SH3RF3: variants seen among roughly 807,000 people sequenced by gnomAD.
SH3RF3 encodes E3 ubiquitin-protein ligase SH3RF3.
A neutral mutation model predicts 66.3 loss-of-function variants in SH3RF3; 29 were observed. That is an observed-to-expected ratio of 0.44 (90% CI 0.33 to 0.60). SH3RF3 has a LOEUF of 0.60. Ranked by LOEUF, SH3RF3 falls within the 20% of genes least tolerant of loss-of-function variation. SH3RF3 has a pLI of 0.04. For missense variants in SH3RF3, 1,194 were observed against 1,190.9 expected (o/e 1.00, Z -0.04); for synonymous variants, 583 against 532.0 (o/e 1.10, Z -1.32).
At chr2:109,461,440 C>T (rs1331916559) in intron 8 of SH3RF3, among the ~76,000 whole-genome samples, 1 of 138,736 alleles carries the variant, frequency 7.2e-6, no homozygotes, top group African/African-American at 2.7e-5. Flanking sequence ...GTCCTAAAGA[C>T]CTGCGCGGTG....
intron 1 of SH3RF3, among the ~76,000 whole-genome samples, chr2:109,132,091 C>T (rs1414320424): frequency 6.6e-6 from 1 of 152,174 alleles, no homozygotes; most frequent in African/African-American, 2.4e-5. Flanking sequence ...TTGCTTGACT[C>T]CTGCCAGGAA....
chr2:109,206,615 CT>C (rs1678847688), intron 1 of SH3RF3, among the ~76,000 whole-genome samples: 1 of 151,606 alleles, frequency 6.6e-6, no homozygotes, highest in African/African-American at 2.4e-5. Flanking sequence ...CAAGACCAGC[CT>C]GGGAAACATA....
chr2:109,471,136 C>G (rs1262982954), intron 8 of SH3RF3, among the ~76,000 whole-genome samples: 2 of 149,108 alleles, frequency 1.3e-5, no homozygotes, highest in Non-Finnish European at 2.9e-5. Context: ...TCACTTGAAC[C>G]CAGGGGGCAG....
chr2:109,163,558 C>T (rs1049919631), intron 1 of SH3RF3, among the ~76,000 whole-genome samples: 3 of 151,024 alleles, frequency 2.0e-5, no homozygotes, highest in African/African-American at 4.9e-5. Context: ...GCCACTACGC[C>T]CGGCTAATTT....
At chr2:109,401,888 C>G (rs1258635708) in intron 4 of SH3RF3, among the ~76,000 whole-genome samples, 1 of 152,228 alleles carries the variant, frequency 6.6e-6, no homozygotes, top group Non-Finnish European at 1.5e-5. Flanking sequence ...CCTGGCTCCA[C>G]AGGGATTAGA....
At chr2:109,489,612 C>T (rs950789290) in intron 8 of SH3RF3, among the ~76,000 whole-genome samples, 4 of 152,230 alleles carry the variant, frequency 2.6e-5, no homozygotes, top group Admixed American at 1.3e-4. Flanking sequence ...GGGGATGGCC[C>T]GTCAGCAGCA....
Position 109,161,507 on chromosome 2 carries a change from G to A in SH3RF3, c.573+31394G>A, listed in dbSNP as rs569706578. Among the ~76,000 whole-genome samples, 54 of 152,214 alleles carry A rather than the reference G, an allele frequency of 3.5e-4. 1 individual carries two copies. The South Asian group carries it at 9.9e-3, about 28-fold the overall frequency. ...TGACGTGCATTACATATCGTAAGGC[G>A]ATGTTTCCTGGGGAGGGGAACATGT... On this transcript the variant is annotated intron_variant, in intron 1 of 9. Coordinates refer to ENST00000309415, the MANE Select transcript of SH3RF3 (RefSeq NM_001099289.3).
At chr2:109,153,171 A>G (rs747351767) in intron 1 of SH3RF3, among the ~76,000 whole-genome samples, 2 of 152,142 alleles carry the variant, frequency 1.3e-5, no homozygotes, top group Non-Finnish European at 2.9e-5. Context: ...CAGCATCTAA[A>G]CTTATGCACT....
chr2:109,188,127 A>C (rs1476151110), intron 1 of SH3RF3, among the ~76,000 whole-genome samples: 2 of 152,272 alleles, frequency 1.3e-5, no homozygotes, highest in African/African-American at 4.8e-5. Context: ...TCTAATGAGC[A>C]TGGGAAACAA....
intron 1 of SH3RF3, among the ~76,000 whole-genome samples, chr2:109,258,842 T>C (rs1680285067): frequency 6.6e-6 from 1 of 152,218 alleles, no homozygotes. Context: ...CAGTGACCTG[T>C]GCTGATGTCC....
At chr2:109,143,087 G>A (rs1574471755) in intron 1 of SH3RF3, among the ~76,000 whole-genome samples, 1 of 152,228 alleles carries the variant, frequency 6.6e-6, no homozygotes, top group East Asian at 1.9e-4. Context: ...CCCAGTGTGG[G>A]GGGCCTGCCA....
chr2:109,184,701 C>G (rs1678148433), intron 1 of SH3RF3, among the ~76,000 whole-genome samples: 1 of 152,228 alleles, frequency 6.6e-6, no homozygotes, highest in African/African-American at 2.4e-5. Context: ...CACCAGGAAG[C>G]AGCCTCTCCA....
At chr2:109,297,750 T>G (rs1681351435) in intron 1 of SH3RF3, among the ~76,000 whole-genome samples, 1 of 144,094 alleles carries the variant, frequency 6.9e-6, no homozygotes, top group East Asian at 2.1e-4. Flanking sequence ...ACAGTGTCCC[T>G]TATCCAGTCA....
intron 8 of SH3RF3, among the ~76,000 whole-genome samples, chr2:109,482,725 G>A (rs1228053003): frequency 6.6e-6 from 1 of 152,180 alleles, no homozygotes; most frequent in Non-Finnish European, 1.5e-5. Context: ...CTGCACCTCC[G>A]GCTGCTTCCT....
chr2:109,446,152 A>C (rs1378689149), intron 7 of SH3RF3, among the ~76,000 whole-genome samples: 1 of 152,090 alleles, frequency 6.6e-6, no homozygotes, highest in East Asian at 1.9e-4. Flanking sequence ...ATCCTACCAG[A>C]GATGAGCACA....
At chr2:109,294,642 A>G (rs1479344388) in intron 1 of SH3RF3, among the ~76,000 whole-genome samples, 2 of 151,190 alleles carry the variant, frequency 1.3e-5, no homozygotes, top group East Asian at 3.9e-4. Context: ...CTTCCATCTG[A>G]TCATCATAGG....
chr2:109,312,297 C>T (rs1200014515), intron 1 of SH3RF3, among the ~76,000 whole-genome samples: 1 of 152,144 alleles, frequency 6.6e-6, no homozygotes, highest in Non-Finnish European at 1.5e-5. Context: ...GAATGAGCTT[C>T]CCACTCGAGG....
chr2:109,459,218 A>T (rs1678148860), intron 8 of SH3RF3, among the ~76,000 whole-genome samples: 1 of 152,204 alleles, frequency 6.6e-6, no homozygotes. Context: ...AAGAAAACAA[A>T]GGTACTGCTT....
At chr2:109,261,048 T>C (rs1680342025) in intron 1 of SH3RF3, among the ~76,000 whole-genome samples, 1 of 152,158 alleles carries the variant, frequency 6.6e-6, no homozygotes, top group African/African-American at 2.4e-5. Flanking sequence ...AGGAGGTCAG[T>C]AGCATGAGCA....
Sources: gnomAD v4.1 joint callset for allele counts (sites outside exome capture counted in the v4.1 genomes callset) on GRCh38, gnomAD v4.1.1 for gene constraint, MANE v1.5 for transcripts, NCBI Gene and HGNC (gene_info 2026-07-23, HGNC 2026-07-21) for gene names.